The following ABL2 variants were observed in gnomAD, a reference collection of about 807,000 sequenced individuals.
The protein encoded by ABL2 is tyrosine-protein kinase ABL2.
A neutral mutation model predicts 107.7 loss-of-function variants in ABL2; 49 were observed. The observed-to-expected ratio is 0.45, with a 90% CI of 0.36 to 0.58. The LOEUF (loss-of-function observed/expected upper bound fraction) is 0.58, where lower values mean the gene tolerates loss of function less well. Among genes scored for constraint, ABL2 ranks in the 20% least tolerant of loss-of-function variants. The pLI is 0.00. For synonymous variants in ABL2, 549 were observed against 548.6 expected (o/e 1.00, Z -0.01); for missense variants, 1,245 against 1,457.0 (o/e 0.85, Z 2.37).
intron 1 of ABL2, among the ~76,000 whole-genome samples, chr1:179,135,986 C>A (rs1264779682): frequency 1.4e-5 from 2 of 145,684 alleles, no homozygotes; most frequent in Non-Finnish European, 3.0e-5. Flanking sequence ...TCCGGCCAGC[C>A]GCCCCGTCCA....
At chr1:179,116,517 T>C (rs1336149482) in intron 8 of ABL2, among the ~76,000 whole-genome samples, 2 of 151,564 alleles carry the variant, frequency 1.3e-5, no homozygotes, top group East Asian at 3.9e-4. Flanking sequence ...CTTTCTTTTT[T>C]TTTTTTGTTT....
chr1:179,212,416 A>G (rs967551567), intron 1 of ABL2, among the ~76,000 whole-genome samples: 1 of 152,192 alleles, frequency 6.6e-6, no homozygotes, highest in Non-Finnish European at 1.5e-5. Context: ...TACCATCTAA[A>G]GCAGCAATGT....
chr1:179,109,240 T>A lies in ABL2; in HGVS notation c.2027A>T (p.Glu676Val). The A allele has an allele frequency of 6.2e-7, 1 of 1,613,972 alleles. No individual in the cohort carries two copies. Among genetic ancestry groups the A allele is most frequent in the East Asian group, 2.2e-5 (1 of 44,876 alleles). Residue 676 changes from glutamate to valine, a missense_variant, in exon 12 of 12, where the codon GAG becomes GTG. Physicochemically the swap from Glu to Val is moderately radical, Grantham distance 121. Around this residue, in one of 3 missense-constraint regions of ABL2, gnomAD observed 761 missense variants for 766.4 expected, o/e 0.99. Coordinates refer to ENST00000502732, the MANE Select transcript of ABL2 (RefSeq NM_007314.4). ...TTCGTATTTCTTATGGGGCTGATTC[T>A]CCATTTCTCGGAAGGAGCTGCTGCG... is the stretch of plus-strand genomic sequence containing the variant. ...PKRSSSFREMENQPHKKYELT... is the reference protein window; with the variant it reads ...PKRSSSFREMVNQPHKKYELT...
rs71108091 is a variant in ABL2 at position 179,101,377 on chromosome 1, C to CTTTT, written c.*6337_*6340dup. 15 of 168,618 alleles carry CTTTT rather than the reference C, an allele frequency of 8.9e-5. No individual in the cohort carries two copies. Among genetic ancestry groups the CTTTT allele is most frequent in the Non-Finnish European group, 8.7e-5 (7 of 80,714 alleles). The allele number at this position is 168,618 out of a possible 1,614,324, so 10.4% of individuals were successfully genotyped here. ...ATATTGAGTCAGAAATGAAGGTATC[C>CTTTT]TTTTTTTTTTTTTTCTTCTTAACGT... On this transcript the variant is annotated 3_prime_UTR_variant, in exon 12 of 12. Transcript: ENST00000502732.
chr1:179,229,493 TC>T lies in ABL2; in HGVS notation c.-97del. 7.6e-7 allele frequency: 1 copy of T among 1,316,588 alleles called. No individual in the cohort carries two copies. The highest frequency in any genetic ancestry group is 1.7e-5 in the South Asian group (1 of 59,652). The allele number at this position is 1,316,588 out of a possible 1,614,324, so 81.6% of individuals were successfully genotyped here. A position where few individuals can be genotyped will look rare whatever the true frequency, so the allele number is the denominator to read the frequency against. On this transcript the variant is annotated 5_prime_UTR_variant, in exon 1 of 12. Coordinates refer to ENST00000502732, the MANE Select transcript of ABL2 (RefSeq NM_007314.4). ...TCCTGGCGCTGCTCCGGTCTCTCCCTCCCAGCCCAGGCCCTGGCCCTGAGTG... is the reference window on the plus strand; with the variant it reads ...TCCTGGCGCTGCTCCGGTCTCTCCCTCCAGCCCAGGCCCTGGCCCTGAGTG...
At chr1:179,180,139 G>A (rs2793814) in intron 1 of ABL2, among the ~76,000 whole-genome samples, 74,472 of 150,164 alleles carry the variant, frequency 0.5, 18,433 homozygotes, top group Admixed American at 0.54. Context: ...AAAAAAAAAA[G>A]GGGGGAAATA....
intron 1 of ABL2, among the ~76,000 whole-genome samples, chr1:179,214,382 A>C (rs1248657902): frequency 6.6e-6 from 1 of 151,898 alleles, no homozygotes; most frequent in Admixed American, 6.6e-5. Flanking sequence ...CATCTAAATA[A>C]AATTTTAAGA....
chr1:179,212,689 T>C (rs1217742963), intron 1 of ABL2, among the ~76,000 whole-genome samples: 2 of 143,020 alleles, frequency 1.4e-5, no homozygotes, highest in Non-Finnish European at 1.5e-5. Context: ...GCCAAGATCG[T>C]GCCATTGCAC....
rs560290539 is a variant in ABL2 at position 179,100,215 on chromosome 1, A to G, written c.*7503T>C. 4.4e-6 allele frequency: 1 copy of G among 228,756 alleles called. No homozygotes were observed. Among genetic ancestry groups the G allele is most frequent in the South Asian group, 1.8e-4 (1 of 5,484 alleles). The allele number at this position is 228,756 out of a possible 1,614,324, so 14.2% of individuals were successfully genotyped here. ...CCTCTCAAAACATAATGGAGGCCAA[A>G]TGGCCACAGTGAGAAATTGCTGTCA... On this transcript the variant is annotated 3_prime_UTR_variant, in exon 12 of 12. Transcript: ENST00000502732.
Position 179,104,310 on chromosome 1 carries a change from C to T in ABL2, c.*3408G>A, listed in dbSNP as rs1042721264. On this transcript the variant is annotated 3_prime_UTR_variant, in exon 12 of 12. Coordinates refer to ENST00000502732, the MANE Select transcript of ABL2 (RefSeq NM_007314.4). ...TTAGACTGGCATTAGAGCCTAAACA[C>T]TAAACCACTATCTATACTGCATCCT... The T allele has an allele frequency of 8.8e-6, 2 of 227,918 alleles. No homozygotes were observed. Among genetic ancestry groups the T allele is most frequent in the African/African-American group, 4.4e-5 (2 of 45,070 alleles). The allele number at this position is 227,918 out of a possible 1,614,324, so 14.1% of individuals were successfully genotyped here. A position where few individuals can be genotyped will look rare whatever the true frequency, so the allele number is the denominator to read the frequency against.
intron 1 of ABL2, among the ~76,000 whole-genome samples, chr1:179,152,846 A>C (rs1202901955): frequency 2.6e-5 from 4 of 152,230 alleles, no homozygotes; most frequent in South Asian, 2.1e-4. Context: ...AGACAGATTC[A>C]AGAAATCTTT....
At chr1:179,218,753 C>T (rs773214359) in intron 1 of ABL2, among the ~76,000 whole-genome samples, 4 of 152,306 alleles carry the variant, frequency 2.6e-5, no homozygotes, top group African/African-American at 9.6e-5. Context: ...GGTCCCCAAC[C>T]AGCAGCACCT....
intron 1 of ABL2, among the ~76,000 whole-genome samples, chr1:179,228,346 CA>C (rs11298096): frequency 0.015 from 2,214 of 150,020 alleles, 48 homozygotes; most frequent in African/African-American, 0.049. Flanking sequence ...GACTCTGTCT[CA>C]AAAAAAACAA....
intron 1 of ABL2, chr1:179,201,799 A>G (rs1661683929): frequency 3.1e-6 from 3 of 976,880 alleles, no homozygotes; most frequent in Non-Finnish European, 4.5e-6. Context: ...TGAGGTGGAC[A>G]GTTTGGCCAT....
At position 179,165,848 on chromosome 1, in the gene ABL2, T is replaced by G. The variant is rs952732334; in HGVS notation, c.158-32474A>C. On this transcript the variant is annotated intron_variant, in intron 1 of 11. Coordinates refer to ENST00000502732, the MANE Select transcript of ABL2 (RefSeq NM_007314.4). The stretch of plus-strand genomic sequence containing the variant: ...TTCGCTCTTGTTGCCCAGGCTGGAG[T>G]GTAGTGGCGCGACCTTGGCTCACTG... Among the ~76,000 whole-genome samples, 4 of 151,302 alleles carry G rather than the reference T, an allele frequency of 2.6e-5. No individual in the cohort carries two copies. In the East Asian group the frequency reaches 7.7e-4, roughly 29 times the overall value.
At chr1:179,190,575 C>T (rs936597339) in intron 1 of ABL2, among the ~76,000 whole-genome samples, 2 of 152,028 alleles carry the variant, frequency 1.3e-5, no homozygotes, top group African/African-American at 4.8e-5. Flanking sequence ...CTTTCAGCCT[C>T]TCCCCCCTCC....
chr1:179,132,324 C>T (rs980999389), intron 2 of ABL2, among the ~76,000 whole-genome samples: 2 of 152,168 alleles, frequency 1.3e-5, no homozygotes, highest in Admixed American at 1.3e-4. Flanking sequence ...ATTCATAGTA[C>T]ATAGCACAGG....
intron 1 of ABL2, among the ~76,000 whole-genome samples, chr1:179,175,847 C>CTTTTTTT (rs777854254): frequency 7.6e-6 from 1 of 132,200 alleles, no homozygotes; most frequent in Admixed American, 8.0e-5. Context: ...ACACATTCTT[C>CTTTTTTT]TTTTTTTTTT....
At chr1:179,207,649 A>G (rs368266298) in intron 1 of ABL2, among the ~76,000 whole-genome samples, 1 of 152,236 alleles carries the variant, frequency 6.6e-6, no homozygotes, top group African/African-American at 2.4e-5. Context: ...TATTATTAGC[A>G]TACCTATTTT....
Sources: gnomAD v4.1 joint callset for allele counts (sites outside exome capture counted in the v4.1 genomes callset) on GRCh38, gnomAD v4.1.1 for gene constraint, gnomAD v4.1.1 regional missense constraint, MANE v1.5 for transcripts, NCBI Gene and HGNC (gene_info 2026-07-23, HGNC 2026-07-21) for gene names.